IGF2BP2: variants seen among roughly 807,000 people sequenced by gnomAD.
The protein encoded by IGF2BP2 is insulin like growth factor 2 mRNA binding protein 2, also known as insulin-like growth factor 2 mRNA-binding protein 2.
A neutral mutation model predicts 75.8 loss-of-function variants in IGF2BP2; 17 were observed. That is an observed-to-expected ratio of 0.22 (90% CI 0.15 to 0.34). The LOEUF is 0.34. Among genes scored for constraint, IGF2BP2 ranks in the 10% least tolerant of loss-of-function variants. The pLI, the probability that IGF2BP2 is intolerant of heterozygous loss-of-function variation, is 1.00. For synonymous variants in IGF2BP2, 288 were observed against 295.6 expected, an observed-to-expected ratio of 0.97 and a Z score of 0.26; for missense variants, 516 against 772.4, an observed-to-expected ratio of 0.67 and a Z score of 3.93.
At chr3:185,747,499 TA>T (rs1313679476) in intron 2 of IGF2BP2, among the ~76,000 whole-genome samples, 4 of 152,070 alleles carry the variant, frequency 2.6e-5, no homozygotes, top group African/African-American at 9.6e-5. Context: ...ACCAACATGG[TA>T]AAACCCCATC....
chr3:185,694,813 A>G (rs1722370537), intron 4 of IGF2BP2, among the ~76,000 whole-genome samples: 1 of 152,190 alleles, frequency 6.6e-6, no homozygotes, highest in Non-Finnish European at 1.5e-5. Flanking sequence ...TCTGCCGGGC[A>G]CGGTGGCTCA....
Position 185,808,873 on chromosome 3 carries a change from G to A in IGF2BP2, c.239+14280C>T, listed in dbSNP as rs147452124. On this transcript the variant is annotated intron_variant, in intron 2 of 15. Coordinates refer to ENST00000382199, the MANE Select transcript of IGF2BP2 (RefSeq NM_006548.6). ...ATGAGCCACCGCACCCAACCTAATA[G>A]AGAGCATTTGACAACATTCTGCTTT... Among the ~76,000 whole-genome samples, 1,380 of 152,156 alleles carry A rather than the reference G, an allele frequency of 9.1e-3. 71 individuals carry two copies. The highest frequency in any genetic ancestry group is 0.086 in the Admixed American group (1,315 of 15,280).
At chr3:185,779,227 T>C (rs1033097535) in intron 2 of IGF2BP2, among the ~76,000 whole-genome samples, 3 of 152,130 alleles carry the variant, frequency 2.0e-5, no homozygotes, top group Non-Finnish European at 4.4e-5. Flanking sequence ...CATGGCAGCA[T>C]GTACCAAGCT....
At chr3:185,698,445 C>T in intron 2 of IGF2BP2, 98 bp from the exon 3 acceptor site, 2 of 1,114,250 alleles carry the variant, frequency 1.8e-6, no homozygotes, top group Middle Eastern at 1.9e-4. Flanking sequence ...AATTTGTTTT[C>T]TCACTGTGTT....
At chr3:185,802,145 TG>T (rs1384246099) in intron 2 of IGF2BP2, among the ~76,000 whole-genome samples, 1 of 151,964 alleles carries the variant, frequency 6.6e-6, no homozygotes, top group Non-Finnish European at 1.5e-5. Context: ...CAAACCTGCA[TG>T]TTCTGCACAT....
At chr3:185,683,725 T>C (rs1720724219) in intron 7 of IGF2BP2, among the ~76,000 whole-genome samples, 1 of 152,178 alleles carries the variant, frequency 6.6e-6, no homozygotes. Flanking sequence ...GTACATTTTA[T>C]GTTATGGTTG....
chr3:185,697,136 TGTCACCCATGCTGGAGTGCA>T lies in IGF2BP2; in HGVS notation c.289-493_289-474del, dbSNP rs1354497339. Among the ~76,000 whole-genome samples the T allele has an allele frequency of 2.6e-5, 4 of 152,246 alleles. No homozygotes were observed. The South Asian group carries it at 8.3e-4, about 31-fold the overall frequency. ...TTTTGTTTGAGATGGAGTCTCCCTC[TGTCACCCATGCTGGAGTGCA>T]GTGGCACCATCTCGGCTCACAGCAA... On this transcript the variant is annotated intron_variant, in intron 3 of 15. Transcript: ENST00000382199.
chr3:185,740,372 A>G (rs749726991), intron 2 of IGF2BP2, among the ~76,000 whole-genome samples: 2 of 152,336 alleles, frequency 1.3e-5, no homozygotes, highest in African/African-American at 2.4e-5. Context: ...ACTGAAATCA[A>G]TAACACACAG....
At chr3:185,816,999 A>G (rs921450258) in intron 2 of IGF2BP2, among the ~76,000 whole-genome samples, 4 of 152,230 alleles carry the variant, frequency 2.6e-5, no homozygotes, top group African/African-American at 9.6e-5. Flanking sequence ...ATGTTCCCAT[A>G]CAAATTTTTC....
Position 185,807,865 on chromosome 3 carries a change from ATGACTGTAGCCACAGATGGCAGCT to A in IGF2BP2, c.239+15264_239+15287del, listed in dbSNP as rs540228742. ...CTTCCAGCCCCAGCTGAGCCATCGG[ATGACTGTAGCCACAGATGGCAGCT>A]TGACTGCCATCTCCTGAAAGATGAT... is the stretch of plus-strand genomic sequence containing the variant. On this transcript the variant is annotated intron_variant, in intron 2 of 15. Coordinates refer to ENST00000382199, the MANE Select transcript of IGF2BP2 (RefSeq NM_006548.6). Among the ~76,000 whole-genome samples the A allele has an allele frequency of 1.1e-4, 16 of 152,374 alleles. No individual in the cohort carries two copies. The South Asian group carries it at 3.3e-3, about 32-fold the overall frequency.
intron 10 of IGF2BP2, among the ~76,000 whole-genome samples, chr3:185,662,731 T>C (rs1396965255): frequency 6.6e-6 from 1 of 151,830 alleles, no homozygotes; most frequent in Admixed American, 6.6e-5. Flanking sequence ...TTAGTAGAGA[T>C]GGGGTTTCAC....
Position 185,689,510 on chromosome 3 carries a change from G to C in IGF2BP2, c.522C>G (p.His174Gln). The C allele has an allele frequency of 6.2e-7, 1 of 1,614,104 alleles. No homozygotes were observed. Among genetic ancestry groups the C allele is most frequent in the Non-Finnish European group, 8.5e-7 (1 of 1,179,982 alleles). The change falls in exon 6 of 16, where the codon CAC becomes CAG. Residue 174 changes from histidine to glutamine, a missense_variant. By Grantham distance (24) the His-to-Gln change is conservative. Around this residue, in one of 3 missense-constraint regions of IGF2BP2, gnomAD observed 312 missense variants for 474.5 expected, o/e 0.66. Transcript: ENST00000382199. ...SPPQRAQRGDHSSREQGHAPG... is the reference protein window; with the variant it reads ...SPPQRAQRGDQSSREQGHAPG... The stretch of plus-strand genomic sequence containing the variant: ...GGGCGTGGCCTTGCTCCCGGGAAGA[G>C]TGGTCCCCACGCTGGGCTCGCTGAG...
At chr3:185,819,168 C>G (rs1482043963) in intron 2 of IGF2BP2, among the ~76,000 whole-genome samples, 1 of 152,072 alleles carries the variant, frequency 6.6e-6, no homozygotes, top group South Asian at 2.1e-4. Flanking sequence ...TACTGGTCAT[C>G]TTATACCTGG....
chr3:185,648,263 C>A (rs1046103064), intron 14 of IGF2BP2, among the ~76,000 whole-genome samples: 2 of 151,946 alleles, frequency 1.3e-5, no homozygotes, highest in Non-Finnish European at 2.9e-5. Flanking sequence ...TCGAGACCAG[C>A]CTGACCTGAC....
chr3:185,646,008 CA>C (rs1713458538), intron 15 of IGF2BP2, among the ~76,000 whole-genome samples: 1 of 152,124 alleles, frequency 6.6e-6, no homozygotes, highest in South Asian at 2.1e-4. Flanking sequence ...GTGTGAGGGA[CA>C]GGGGAGGGAG....
rs992643180 is a variant in IGF2BP2 at position 185,652,144 on chromosome 3, C to T, written c.1411G>A (p.Val471Ile). ...IKIAPAEGPD[V>I]SERMVIITGP... Reference sequence around the variant, plus strand: ...GTGATGATGACCATCCTTTCGCTGACGTCTGGGCCTTCCGCAGGGGCAATC... The same window carrying T: ...GTGATGATGACCATCCTTTCGCTGATGTCTGGGCCTTCCGCAGGGGCAATC... Residue 471 changes from valine (V) to isoleucine (I), a missense_variant, in exon 13 of 16, where the codon GTC becomes ATC. Transcript: ENST00000382199. 6.8e-6 allele frequency: 11 copies of T among 1,612,652 alleles called. No individual in the cohort carries two copies. Among genetic ancestry groups the T allele is most frequent in the East Asian group, 4.5e-5 (2 of 44,870 alleles).
At chr3:185,660,355 T>G (rs1716221015) in intron 10 of IGF2BP2, among the ~76,000 whole-genome samples, 1 of 152,194 alleles carries the variant, frequency 6.6e-6, no homozygotes, top group Admixed American at 6.5e-5. Context: ...AATCTCACAG[T>G]GACAGGCAAT....
chr3:185,799,820 A>G (rs1304475225), intron 2 of IGF2BP2, among the ~76,000 whole-genome samples: 1 of 152,146 alleles, frequency 6.6e-6, no homozygotes, highest in Non-Finnish European at 1.5e-5. Context: ...ACACTTTTAC[A>G]CTGTTGGTGG....
intron 2 of IGF2BP2, among the ~76,000 whole-genome samples, chr3:185,761,562 G>T (rs1187692488): frequency 6.6e-6 from 1 of 152,080 alleles, no homozygotes; most frequent in Non-Finnish European, 1.5e-5. Context: ...CTTTACTCTT[G>T]CCAAAAGAAA....
Sources: gnomAD v4.1 joint callset for allele counts (sites outside exome capture counted in the v4.1 genomes callset) on GRCh38, gnomAD v4.1.1 for gene constraint, gnomAD v4.1.1 regional missense constraint, MANE v1.5 for transcripts, NCBI Gene and HGNC (gene_info 2026-07-23, HGNC 2026-07-21) for gene names.